The following TBC1D30 variants were observed in gnomAD, a reference collection of about 807,000 sequenced individuals.
TBC1D30 encodes the protein TBC1 domain family, member 30.
TBC1D30 carries 31 observed loss-of-function variants against 63.2 expected under a neutral mutation model. The ratio of observed to expected loss-of-function variants is 0.49; its 90% CI spans 0.37 to 0.66. The LOEUF (loss-of-function observed/expected upper bound fraction) is 0.66. Among genes scored for constraint, TBC1D30 ranks in the 30% least tolerant of loss-of-function variants. The probability of loss-of-function intolerance (pLI) is 0.00; values close to 1 mark genes in which losing one functional copy is unlikely to be tolerated. For missense variants in TBC1D30, 810 were observed against 953.6 expected (o/e 0.85, Z 1.98); for synonymous variants, 307 against 361.5 (o/e 0.85, Z 1.71).
At chr12:64,764,251 A>C (rs1197502130) in intron 1 of TBC1D30, among the ~76,000 whole-genome samples, 1 of 152,138 alleles carries the variant, frequency 6.6e-6, no homozygotes, top group African/African-American at 2.4e-5. Flanking sequence ...TCATTATTTC[A>C]ATTTTTTCCA....
At chr12:64,844,253 TTTAG>T (rs1422376669) in intron 8 of TBC1D30, among the ~76,000 whole-genome samples, 1 of 152,236 alleles carries the variant, frequency 6.6e-6, no homozygotes, top group Non-Finnish European at 1.5e-5. Flanking sequence ...ACTTGAAGGG[TTTAG>T]TTATTTTTTA....
intron 9 of TBC1D30, among the ~76,000 whole-genome samples, chr12:64,866,322 G>C (rs1878209986): frequency 6.6e-6 from 1 of 152,186 alleles, no homozygotes. Flanking sequence ...CAGTAACAGT[G>C]ATCACCTGTG....
chr12:64,847,034 G>A (rs572574353), intron 8 of TBC1D30, among the ~76,000 whole-genome samples: 2 of 152,132 alleles, frequency 1.3e-5, no homozygotes, highest in Non-Finnish European at 2.9e-5. Context: ...TCTTTACTGG[G>A]AGATTTTTTA....
chr12:64,788,484 C>G (rs1871729083), intron 2 of TBC1D30, among the ~76,000 whole-genome samples: 1 of 152,046 alleles, frequency 6.6e-6, no homozygotes, highest in Non-Finnish European at 1.5e-5. Context: ...GGAACAAGTT[C>G]AGGAGATAGA....
In TBC1D30 at chr12:64,878,766, C is replaced by G. The variant is rs999314816; in HGVS notation, c.*2978C>G. On this transcript the variant is annotated 3_prime_UTR_variant, in exon 12 of 12. Coordinates refer to ENST00000539867, the MANE Select transcript of TBC1D30 (RefSeq NM_015279.2). ...AACCAGGGAAACAGCCCAATAAGCT[C>G]TATCTCCCCCAGTCTAATCGCTGGG... 2.4e-5 allele frequency: 8 copies of G among 333,854 alleles called. No homozygotes were observed. The highest frequency in any genetic ancestry group is 1.5e-4 in the African/African-American group (7 of 46,436). The allele number at this position is 333,854 out of a possible 1,614,324, so 20.7% of individuals were successfully genotyped here.
intron 8 of TBC1D30, among the ~76,000 whole-genome samples, chr12:64,858,265 T>C (rs1877478619): frequency 6.6e-6 from 1 of 152,220 alleles, no homozygotes; most frequent in Non-Finnish European, 1.5e-5. Context: ...TTTTCTGCCT[T>C]TTCTTTTTCA....
chr12:64,783,909 C>T (rs1433653728), intron 1 of TBC1D30, among the ~76,000 whole-genome samples: 1 of 139,992 alleles, frequency 7.1e-6, no homozygotes, highest in African/African-American at 2.7e-5. Context: ...CTGCCTGCCT[C>T]GGCCCCCTGA....
intron 6 of TBC1D30, among the ~76,000 whole-genome samples, chr12:64,838,198 A>C (rs1186513933): frequency 6.6e-6 from 1 of 152,156 alleles, no homozygotes; most frequent in African/African-American, 2.4e-5. Context: ...CTTTCTGTTA[A>C]TGATTTCTAG....
intron 2 of TBC1D30, among the ~76,000 whole-genome samples, chr12:64,792,646 T>C (rs1871990971): frequency 6.6e-6 from 1 of 152,194 alleles, no homozygotes; most frequent in African/African-American, 2.4e-5. Context: ...GTTGGCTCAC[T>C]GCAACCTCTG....
rs1484684108 is a variant in TBC1D30 at position 64,824,833 on chromosome 12, G to A, written c.-47G>A. ...CAGCCGCTCAGCGAGTGGGGTAGCG[G>A]GGACCGAGACGGACGGTAGCCGTGC... On this transcript the variant is annotated 5_prime_UTR_variant, in exon 1 of 12. Coordinates refer to ENST00000539867, the MANE Select transcript of TBC1D30 (RefSeq NM_015279.2). 12 of 1,522,686 alleles carry A rather than the reference G, an allele frequency of 7.9e-6. No homozygotes were observed. In the Admixed American group the frequency reaches 2.4e-4, roughly 30 times the overall value. The allele number at this position is 1,522,686 out of a possible 1,614,324, so 94.3% of individuals were successfully genotyped here. A position where few individuals can be genotyped will look rare whatever the true frequency, so the allele number is the denominator to read the frequency against.
At chr12:64,775,107 A>G (rs1188949427) in intron 1 of TBC1D30, among the ~76,000 whole-genome samples, 1 of 146,426 alleles carries the variant, frequency 6.8e-6, no homozygotes, top group African/African-American at 2.6e-5. Context: ...AAAAAAAAAT[A>G]TATATATATA....
chr12:64,816,243 G>A (rs540559947), intron 2 of TBC1D30, among the ~76,000 whole-genome samples: 1 of 152,188 alleles, frequency 6.6e-6, no homozygotes, highest in Non-Finnish European at 1.5e-5. Context: ...ATGTTGGCCA[G>A]GCTGGTCTCG....
chr12:64,842,333 T>C (rs1875955457), intron 7 of TBC1D30, among the ~76,000 whole-genome samples: 1 of 152,184 alleles, frequency 6.6e-6, no homozygotes, highest in Non-Finnish European at 1.5e-5. Context: ...TGCTTCAGCC[T>C]GGGCAACAGA....
chr12:64,780,633 G>A (rs1380160243), exon 1 of TBC1D30, among the ~76,000 whole-genome samples: 1 of 152,198 alleles, frequency 6.6e-6, no homozygotes, highest in African/African-American at 2.4e-5. Flanking sequence ...GAGCGGAGGG[G>A]AGCGGCTCAG....
At chr12:64,780,710 G>A (rs1209758318) in exon 1 of TBC1D30, 14 of 971,616 alleles carry the variant, frequency 1.4e-5, no homozygotes, top group African/African-American at 1.8e-5. Flanking sequence ...GCCCGGGAGG[G>A]CACCACCGGC....
chr12:64,862,411 C>T (rs1431744918), intron 8 of TBC1D30, among the ~76,000 whole-genome samples: 2 of 152,300 alleles, frequency 1.3e-5, no homozygotes, highest in East Asian at 3.9e-4. Context: ...GAAAGGAAGA[C>T]ATGAAGTAGA....
At chr12:64,823,237 T>C (rs1371297192), upstream of TBC1D30, among the ~76,000 whole-genome samples, 1 of 152,190 alleles carries the variant, frequency 6.6e-6, no homozygotes, top group East Asian at 1.9e-4. Context: ...AATATGAATA[T>C]TATTAATAAC....
At position 64,875,828 on chromosome 12, in the gene TBC1D30, A is replaced by G. The variant is rs1879034736; in HGVS notation, c.*40A>G. The stretch of plus-strand genomic sequence containing the variant: ...TTTGTATCTGGACTCACCTTTTCAC[A>G]GTAGTATAAGGGTTGCAGCTGAATG... On this transcript the variant is annotated 3_prime_UTR_variant, in exon 12 of 12. Transcript: ENST00000539867. 1.3e-6 allele frequency: 2 copies of G among 1,487,930 alleles called. No homozygotes were observed. Among genetic ancestry groups the G allele is most frequent in the East Asian group, 2.5e-5 (1 of 40,558 alleles). 92.2% of individuals were successfully genotyped at this position (1,487,930 alleles called of 1,614,324 possible).
At position 64,780,949 on chromosome 12, in the gene TBC1D30, AGCGGCGGAGCGGCCGC is replaced by A; in HGVS notation, c.143_158del (p.Ala48GlyfsTer30). The A allele has an allele frequency of 9.5e-7, 1 of 1,056,728 alleles. No homozygotes were observed. Among genetic ancestry groups the A allele is most frequent in the South Asian group, 2.3e-5 (1 of 43,138 alleles). 65.5% of individuals were successfully genotyped at this position (1,056,728 alleles called of 1,614,324 possible). A position where few individuals can be genotyped will look rare whatever the true frequency, so the allele number is the denominator to read the frequency against. ...CTCCCCCAGCCCCGCGCCTCCGGGG[AGCGGCGGAGCGGCCGC>A]GGCGCTCCCGGGACACGTGGGACGG... On this transcript the variant is annotated frameshift_variant, in exon 1 of 13. Transcript: ENST00000542120. LOFTEE classifies it high-confidence loss of function.
Sources: allele counts gnomAD v4.1 joint callset (sites outside exome capture counted in the v4.1 genomes callset), GRCh38; gene constraint gnomAD v4.1.1; transcripts MANE v1.5; gene names NCBI Gene and HGNC (gene_info 2026-07-23, HGNC 2026-07-21).